The following CECR2 variants were observed in gnomAD, a reference collection of about 807,000 sequenced individuals.
The protein encoded by CECR2 is CECR2 histone acetyl-lysine reader.
Under a neutral mutation model 154.5 loss-of-function variants are expected in CECR2, and 30 were observed. The observed-to-expected ratio is 0.19, with a 90% CI of 0.15 to 0.26. CECR2 has a LOEUF of 0.26. Among genes scored for constraint, CECR2 ranks in the 10% least tolerant of loss-of-function variants. The pLI, the probability that CECR2 is intolerant of heterozygous loss-of-function variation, is 1.00. For missense variants in CECR2, 1,743 were observed against 1,829.3 expected (o/e 0.95, Z 0.86); for synonymous variants, 725 against 683.7 (o/e 1.06, Z -0.94).
intron 1 of CECR2, among the ~76,000 whole-genome samples, chr22:17,382,142 G>C (rs567926271): frequency 6.6e-6 from 1 of 151,676 alleles, no homozygotes; most frequent in Admixed American, 6.6e-5. Flanking sequence ...CGCCCGCCTT[G>C]GCCTCCCAAA....
chr22:17,383,306 A>G (rs2063221490), intron 1 of CECR2, among the ~76,000 whole-genome samples: 1 of 152,230 alleles, frequency 6.6e-6, no homozygotes, highest in Admixed American at 6.5e-5. Context: ...TCATGTCTGA[A>G]TATTCCTTTC....
At chr22:17,447,881 T>TG (rs34725370) in intron 1 of CECR2, among the ~76,000 whole-genome samples, 3,363 of 151,808 alleles carry the variant, frequency 0.022, 120 homozygotes, top group African/African-American at 0.077. Context: ...AGTGTTTTTT[T>TG]TTTGTTTGTT....
chr22:17,552,198 G>C, intron 18 of CECR2, 56 bp downstream of exon 18: 2 of 1,461,294 alleles, frequency 1.4e-6, no homozygotes, highest in Admixed American at 3.4e-5. Flanking sequence ...TAGGAAGTAA[G>C]TATATGACAA....
At chr22:17,540,277 C>A in intron 13 of CECR2, 135 bp from the exon 14 acceptor site, 1 of 749,222 alleles carries the variant, frequency 1.3e-6, no homozygotes, top group Non-Finnish European at 2.0e-6. Context: ...ATAGATTACC[C>A]AGGTTGCATC....
At chr22:17,360,581 A>C (rs1010724671) in intron 1 of CECR2, among the ~76,000 whole-genome samples, 1 of 152,068 alleles carries the variant, frequency 6.6e-6, no homozygotes, top group African/African-American at 2.4e-5. Context: ...GGAGGCTAAG[A>C]CAGGAGAATC....
intron 1 of CECR2, among the ~76,000 whole-genome samples, chr22:17,375,730 G>C (rs901694728): frequency 5.9e-5 from 9 of 152,046 alleles, no homozygotes; most frequent in African/African-American, 1.9e-4. Context: ...GCCGAGGCGG[G>C]CGGATCATGA....
chr22:17,508,250 A>G lies in CECR2; in HGVS notation c.870+3234A>G, dbSNP rs538672828. Among the ~76,000 whole-genome samples the G allele has an allele frequency of 3.6e-5, 5 of 139,818 alleles. No homozygotes were observed. In the East Asian group the frequency reaches 9.7e-4, roughly 27 times the overall value. The allele number at this position is 139,818 out of a possible 152,430, so 91.7% of individuals were successfully genotyped here. A position where few individuals can be genotyped will look rare whatever the true frequency, so the allele number is the denominator to read the frequency against. On this transcript the variant is annotated intron_variant, in intron 7 of 18. Coordinates refer to ENST00000262608, the MANE Select transcript of CECR2 (RefSeq NM_001290047.2). ...TATAAATTGAGTGCAGCCTGAATGC[A>G]TTGTGTTTACAAGGTCTACAGCAGT...
chr22:17,462,012 C>G (rs1339533559), intron 1 of CECR2, among the ~76,000 whole-genome samples: 1 of 151,796 alleles, frequency 6.6e-6, no homozygotes, highest in Non-Finnish European at 1.5e-5. Context: ...AGGCTGATCT[C>G]GAACTCCTGA....
chr22:17,373,126 G>A (rs564025217), intron 1 of CECR2, among the ~76,000 whole-genome samples: 1 of 152,158 alleles, frequency 6.6e-6, no homozygotes, highest in South Asian at 2.1e-4. Flanking sequence ...ACAGTGGCGC[G>A]ACCTCGGCTC....
intron 1 of CECR2, among the ~76,000 whole-genome samples, chr22:17,377,507 C>T (rs541505393): frequency 3.3e-4 from 50 of 152,146 alleles, no homozygotes; most frequent in Non-Finnish European, 4.7e-4. Flanking sequence ...AAGTGATCCT[C>T]CTGCCTCAGC....
chr22:17,444,374 C>G (rs1247047027), intron 1 of CECR2, among the ~76,000 whole-genome samples: 1 of 152,118 alleles, frequency 6.6e-6, no homozygotes, highest in African/African-American at 2.4e-5. Flanking sequence ...TGCCTGTAAT[C>G]CCAGCACTTT....
chr22:17,538,915 A>C (rs2300687), intron 12 of CECR2, 78 bp from the exon 13 acceptor site: 247,981 of 1,508,090 alleles, frequency 0.16, 22,942 homozygotes, highest in East Asian at 0.43. Flanking sequence ...AATTCTCATT[A>C]TCTCTCTGTC....
chr22:17,396,068 C>T (rs1436635721), intron 1 of CECR2, among the ~76,000 whole-genome samples: 2 of 149,814 alleles, frequency 1.3e-5, no homozygotes, highest in African/African-American at 4.9e-5. Flanking sequence ...ATCGAGACCT[C>T]GTCTCTACGA....
At chr22:17,486,166 A>G (rs1273670160) in intron 2 of CECR2, among the ~76,000 whole-genome samples, 1 of 152,198 alleles carries the variant, frequency 6.6e-6, no homozygotes, top group Non-Finnish European at 1.5e-5. Context: ...TAAATCCTAG[A>G]TTGATCTGCA....
chr22:17,518,066 C>T (rs767606119), intron 8 of CECR2, among the ~76,000 whole-genome samples: 16 of 152,116 alleles, frequency 1.1e-4, no homozygotes, highest in Non-Finnish European at 1.9e-4. Flanking sequence ...CATTGTAATG[C>T]TGCCATCTTT....
chr22:17,430,103 T>G (rs2054398425), intron 1 of CECR2, among the ~76,000 whole-genome samples: 1 of 152,198 alleles, frequency 6.6e-6, no homozygotes, highest in Non-Finnish European at 1.5e-5. Context: ...GATTTATAAT[T>G]GGTACATTGG....
chr22:17,379,337 GCTAA>G (rs2063157697), intron 1 of CECR2, among the ~76,000 whole-genome samples: 1 of 152,172 alleles, frequency 6.6e-6, no homozygotes, highest in South Asian at 2.1e-4. Context: ...GAACTGTGAA[GCTAA>G]CTGAGGCTGA....
In CECR2 at chr22:17,553,788, TAGAAGATG is replaced by T. The variant is rs1187441676; in HGVS notation, c.*950_*957del. 1.3e-5 allele frequency: 2 copies of T among 152,216 alleles called. No homozygotes were observed. The highest frequency in any genetic ancestry group is 3.8e-4 in the East Asian group (2 of 5,196). 9.4% of individuals were successfully genotyped at this position (152,216 alleles called of 1,614,324 possible). The stretch of plus-strand genomic sequence containing the variant: ...GGGATCGCTAGAGTGTTTCACGTAT[TAGAAGATG>T]AATCGTCCTCATCACAGACCTCCCT... On this transcript the variant is annotated 3_prime_UTR_variant, in exon 19 of 19. Coordinates refer to ENST00000262608, the MANE Select transcript of CECR2 (RefSeq NM_001290047.2).
chr22:17,511,441 C>T (rs2055950114), intron 7 of CECR2, among the ~76,000 whole-genome samples: 1 of 152,142 alleles, frequency 6.6e-6, no homozygotes, highest in Admixed American at 6.6e-5. Flanking sequence ...CCGGCTGCTC[C>T]TGATGCCCCC....
Sources: allele counts gnomAD v4.1 joint callset (sites outside exome capture counted in the v4.1 genomes callset), GRCh38; gene constraint gnomAD v4.1.1; transcripts MANE v1.5; gene names NCBI Gene and HGNC (gene_info 2026-07-23, HGNC 2026-07-21).